The following CLSTN3 variants were observed in gnomAD, a reference collection of about 807,000 sequenced individuals.
CLSTN3 encodes calsyntenin 3, also known as calsyntenin-3.
Under a neutral mutation model 95.9 loss-of-function variants are expected in CLSTN3, and 36 were observed. That is an observed-to-expected ratio of 0.38 (90% CI 0.29 to 0.50). CLSTN3 has a LOEUF of 0.50. CLSTN3 is among the 20% of genes least tolerant of loss of function. The pLI is 0.95. For synonymous variants in CLSTN3, 481 were observed against 504.0 expected (o/e 0.95, Z 0.61); for missense variants, 1,084 against 1,268.8 (o/e 0.85, Z 2.21).
Position 7,133,284 on chromosome 12 carries a change from T to C in CLSTN3, c.187+138T>C. ...ATAAAAGTGGGCTCAAGGAGGGGAA[T>C]GGTCTCCACTGAAGAATGGAGATTG... On this transcript the variant is annotated intron_variant, in intron 2 of 17. Transcript: ENST00000266546. This position sits in a 1 kb window ranked among gnomAD's most constrained non-coding sequence, Gnocchi z 4.7. 1.0e-6 allele frequency: 1 copy of C among 996,100 alleles called. No individual in the cohort carries two copies. The highest frequency in any genetic ancestry group is 1.5e-6 in the Non-Finnish European group (1 of 671,994). The allele number at this position is 996,100 out of a possible 1,614,324, so 61.7% of individuals were successfully genotyped here.
Position 7,144,232 on chromosome 12 carries a change from C to CAA in CLSTN3, c.1847+943_1847+944dup, listed in dbSNP as rs754358387. Among the ~76,000 whole-genome samples the CAA allele has an allele frequency of 4.0e-3, 274 of 68,382 alleles. 2 individuals carry two copies. Among genetic ancestry groups the CAA allele is most frequent in the Non-Finnish European group, 4.5e-3 (163 of 36,540 alleles). The allele number at this position is 68,382 out of a possible 152,430, so 44.9% of individuals were successfully genotyped here. ...TGGGCTACAAAGCGAGACTCCATCT[C>CAA]AAAAAAAAAAAAAAAAAAAAAAAGT... On this transcript the variant is annotated intron_variant, in intron 12 of 17. Coordinates refer to ENST00000266546, the MANE Select transcript of CLSTN3 (RefSeq NM_014718.4).
rs138735435 is a variant in CLSTN3 at position 7,157,527 on chromosome 12, G to A, written c.2566G>A (p.Val856Met). ...CGCAACCCTCATCATTGTGGTGTGC[G>A]TGGGCTTCCTGGTGCTCATGGTCGT... is the stretch of plus-strand genomic sequence containing the variant. ...SAATLIIVVC[V>M]GFLVLMVVLG... is the part of the protein sequence containing the mutation. Residue 856 changes from valine (V) to methionine (M), a missense_variant, in exon 17 of 18, where the codon GTG becomes ATG. Transcript: ENST00000266546. The surrounding 1 kb of genome is among the most constrained non-coding windows in gnomAD (Gnocchi z 5.9). The A allele has an allele frequency of 2.0e-4, 317 of 1,608,162 alleles. No homozygotes were observed. Among genetic ancestry groups the A allele is most frequent in the Middle Eastern group, 5.0e-4 (3 of 6,014 alleles).
chr12:7,138,780 C>A (rs1939474850), intron 8 of CLSTN3: 2 of 139,944 alleles, frequency 1.4e-5, no homozygotes, highest in South Asian at 4.7e-4. Context: ...TTTTCACCTC[C>A]TTCTGTTTCT....
At position 7,149,113 on chromosome 12, in the gene CLSTN3, C is replaced by A. The variant is rs764897270; in HGVS notation, c.1989C>A (p.Gly663=). Residue 663 remains glycine, a synonymous_variant, in exon 13 of 18, where the codon GGC becomes GGA. Transcript: ENST00000266546. This position sits in a 1 kb window ranked among gnomAD's most constrained non-coding sequence, Gnocchi z 4.5. The stretch of plus-strand genomic sequence containing the variant: ...CTGTGGACTTTGAGGGAACCAACGG[C>A]GTCCCTTTGTTCCCTGATCTTCAAA... The part of the protein sequence containing the change: ...RPAVDFEGTN[G]VPLFPDLQIT... The A allele has an allele frequency of 3.7e-6, 6 of 1,614,082 alleles. No homozygotes were observed. The African/African-American group carries it at 8.0e-5, about 22-fold the overall frequency.
At chr12:7,132,736 T>C in intron 1 of CLSTN3, 1 of 592,024 alleles carries the variant, frequency 1.7e-6, no homozygotes, top group Non-Finnish European at 3.0e-6. Context: ...TTCCTGACCA[T>C]GGTTCCCATG....
Position 7,137,863 on chromosome 12 carries a change from A to T in CLSTN3, c.1211-92A>T. On this transcript the variant is annotated intron_variant, in intron 7 of 17. Coordinates refer to ENST00000266546, the MANE Select transcript of CLSTN3 (RefSeq NM_014718.4). This position sits in a 1 kb window ranked among gnomAD's most constrained non-coding sequence, Gnocchi z 4.4. ...GAGAACGAGGGAATGAGAGAGGATT[A>T]AGAGAATCCAACATCCTCTCCTTCC... is the stretch of plus-strand genomic sequence containing the variant. 2.2e-6 allele frequency: 2 copies of T among 890,058 alleles called. No individual in the cohort carries two copies. Among genetic ancestry groups the T allele is most frequent in the African/African-American group, 1.7e-5 (1 of 59,680 alleles). The allele number at this position is 890,058 out of a possible 1,614,324, so 55.1% of individuals were successfully genotyped here.
At position 7,135,823 on chromosome 12, in the gene CLSTN3, G is replaced by A; in HGVS notation, c.612G>A (p.Glu204=). The A allele has an allele frequency of 6.2e-7, 1 of 1,609,920 alleles. No individual in the cohort carries two copies. The highest frequency in any genetic ancestry group is 2.2e-5 in the East Asian group (1 of 44,842). ...CCCCAGGGAACATTGAGAACACAGA[G>A]AAGCTGCAGTACAGTGGTGAGAGGC... ...IDNDGNIENT[E]KLQYSGERLY... Residue 204 remains glutamate (E), a synonymous_variant, in exon 5 of 18, where the codon GAG becomes GAA. Transcript: ENST00000266546.
intron 3 of CLSTN3, among the ~76,000 whole-genome samples, chr12:7,134,963 G>A (rs974823114): frequency 1.3e-5 from 2 of 152,140 alleles, no homozygotes; most frequent in Non-Finnish European, 2.9e-5. Flanking sequence ...GTGGGGAGGA[G>A]CGTGCTGACT....
intron 4 of CLSTN3, 104 bp from the exon 5 acceptor site, chr12:7,135,700 T>C: frequency 3.4e-6 from 5 of 1,452,258 alleles, no homozygotes; most frequent in Non-Finnish European, 2.8e-6. Flanking sequence ...CCCAGCGTCC[T>C]GCTGCCTAAC....
intron 3 of CLSTN3, among the ~76,000 whole-genome samples, chr12:7,134,662 A>G (rs1165414742): frequency 5.9e-5 from 9 of 152,238 alleles, no homozygotes; most frequent in Non-Finnish European, 1.5e-5. Flanking sequence ...CTTTGTACAC[A>G]TGCCATTTCC....
chr12:7,135,168 C>T (rs966058121), intron 3 of CLSTN3, among the ~76,000 whole-genome samples, 159 bp from the exon 4 acceptor site: 4 of 151,936 alleles, frequency 2.6e-5, no homozygotes, highest in Admixed American at 6.6e-5. Context: ...TCTTGGTGTA[C>T]GGTATCGAAC....
At chr12:7,156,945 G>A (rs748511715) in intron 16 of CLSTN3, 5 of 412,592 alleles carry the variant, frequency 1.2e-5, no homozygotes, top group Non-Finnish European at 2.4e-5. Context: ...TAAGGGAAGG[G>A]GCTGCTCTGT....
chr12:7,144,710 A>C (rs1449342979), intron 12 of CLSTN3, among the ~76,000 whole-genome samples: 1 of 152,152 alleles, frequency 6.6e-6, no homozygotes, highest in Non-Finnish European at 1.5e-5. Context: ...TCTGTGAGCT[A>C]TATGAAGATA....
Position 7,157,404 on chromosome 12 carries a change from T to G in CLSTN3, c.2528-85T>G. ...GCCCTGGGAGTCCTTCAGCCCGGGC[T>G]GCCTCTTTTCCTACCCAGCCCCCTG... On this transcript the variant is annotated intron_variant, in intron 16 of 17. Coordinates refer to ENST00000266546, the MANE Select transcript of CLSTN3 (RefSeq NM_014718.4). This position sits in a 1 kb window ranked among gnomAD's most constrained non-coding sequence, Gnocchi z 5.9. 8.2e-7 allele frequency: 1 copy of G among 1,225,390 alleles called. No individual in the cohort carries two copies. Among genetic ancestry groups the G allele is most frequent in the Non-Finnish European group, 1.1e-6 (1 of 893,820 alleles). 75.9% of individuals were successfully genotyped at this position (1,225,390 alleles called of 1,614,324 possible). A position where few individuals can be genotyped will look rare whatever the true frequency, so the allele number is the denominator to read the frequency against.
Position 7,130,564 on chromosome 12 carries a change from G to A in CLSTN3, c.-85G>A, listed in dbSNP as rs1351315492. ...GTACCCCGCTCCTTGGAGACCCCCTGTATCCCTCCCGCAAGGTGGAATCCG... is the reference window on the plus strand; with the variant it reads ...GTACCCCGCTCCTTGGAGACCCCCTATATCCCTCCCGCAAGGTGGAATCCG... On this transcript the variant is annotated 5_prime_UTR_variant, in exon 1 of 18. Transcript: ENST00000266546. 1 of 1,548,110 alleles carries A rather than the reference G, an allele frequency of 6.5e-7. No individual in the cohort carries two copies. Among genetic ancestry groups the A allele is most frequent in the Non-Finnish European group, 8.7e-7 (1 of 1,146,768 alleles).
Position 7,135,381 on chromosome 12 carries a change from GGAA to G in CLSTN3, c.439_441del (p.Glu147del). 6.2e-7 allele frequency: 1 copy of G among 1,614,174 alleles called. No homozygotes were observed. The highest frequency in any genetic ancestry group is 8.5e-7 in the Non-Finnish European group (1 of 1,180,022). The stretch of plus-strand genomic sequence containing the variant: ...TGAACGAGTTTGCCCCAGTGTTTGT[GGAA>G]CGGCTGTATCGTGCGGCTGTGACAG... On this transcript the variant is annotated inframe_deletion, in exon 4 of 18. Transcript: ENST00000266546.
chr12:7,137,795 T>TGTGTGTGTGAGAGAGA lies in CLSTN3; in HGVS notation c.1211-159_1211-158insTGTGTGTGAGAGAGAG, dbSNP rs768487238. Among the ~76,000 whole-genome samples the TGTGTGTGTGAGAGAGA allele has an allele frequency of 2.1e-4, 15 of 70,674 alleles. No individual in the cohort carries two copies. Among genetic ancestry groups the TGTGTGTGTGAGAGAGA allele is most frequent in the Non-Finnish European group, 3.5e-4 (13 of 37,356 alleles). The allele number at this position is 70,674 out of a possible 152,430, so 46.4% of individuals were successfully genotyped here. On this transcript the variant is annotated intron_variant, in intron 7 of 17. Transcript: ENST00000266546. The surrounding 1 kb of genome is among the most constrained non-coding windows in gnomAD (Gnocchi z 4.4). ...GTGTGTGTGTGTGTGTGTGTGTGTG[T>TGTGTGTGTGAGAGAGA]GAGAGAGAGAGAGAGAGAGAGAGAG...
chr12:7,133,242 T>A lies in CLSTN3; in HGVS notation c.187+96T>A, dbSNP rs1001243568. 3 of 1,495,310 alleles carry A rather than the reference T, an allele frequency of 2.0e-6. No individual in the cohort carries two copies. Among genetic ancestry groups the A allele is most frequent in the Non-Finnish European group, 1.8e-6 (2 of 1,093,946 alleles). The allele number at this position is 1,495,310 out of a possible 1,614,324, so 92.6% of individuals were successfully genotyped here. On this transcript the variant is annotated intron_variant, in intron 2 of 17. Coordinates refer to ENST00000266546, the MANE Select transcript of CLSTN3 (RefSeq NM_014718.4). This position sits in a 1 kb window ranked among gnomAD's most constrained non-coding sequence, Gnocchi z 4.7. The stretch of plus-strand genomic sequence containing the variant: ...GAGGGAGGGAAGGTCCTGGGAGTGA[T>A]GAGAAAGTAAGGGAAGATAAAAGTG...
At chr12:7,143,341 C>T (rs940372263) in intron 12 of CLSTN3, 30 bp downstream of exon 12, 2 of 1,591,728 alleles carry the variant, frequency 1.3e-6, no homozygotes, top group African/African-American at 2.7e-5. Flanking sequence ...GGGCAAATCA[C>T]CAAGCAGAGC....
Sources: gnomAD v4.1 joint callset for allele counts (sites outside exome capture counted in the v4.1 genomes callset) on GRCh38, gnomAD v4.1.1 for gene constraint, Gnocchi (gnomAD v3.1) non-coding constraint, MANE v1.5 for transcripts, NCBI Gene and HGNC (gene_info 2026-07-23, HGNC 2026-07-21) for gene names.